CNTN6: variants seen among roughly 807,000 people sequenced by gnomAD.
The protein encoded by CNTN6 is contactin-6.
In CNTN6, 137 loss-of-function variants were observed where a neutral mutation model predicts 122.8. The observed-to-expected ratio is 1.12, with a 90% CI of 0.97 to 1.29. The LOEUF (loss-of-function observed/expected upper bound fraction) is 1.29, where lower values mean the gene tolerates loss of function less well. Among genes scored for constraint, CNTN6 ranks in the 50% most tolerant of loss-of-function variants. The pLI is 0.00. For missense variants in CNTN6, 1,634 were observed against 1,223.4 expected, an observed-to-expected ratio of 1.34 and a Z score of -5.01; for synonymous variants, 570 against 426.0, an observed-to-expected ratio of 1.34 and a Z score of -4.16.
intron 7 of CNTN6, among the ~76,000 whole-genome samples, chr3:1,299,640 C>G (rs1044284758): frequency 6.6e-6 from 1 of 152,132 alleles, no homozygotes; most frequent in South Asian, 2.1e-4. Context: ...CCTGTTCAAT[C>G]TTATGTTTCT....
chr3:1,382,829 A>G (rs756587646), intron 17 of CNTN6, 113 bp from the exon 18 acceptor site: 5 of 727,742 alleles, frequency 6.9e-6, no homozygotes, highest in Non-Finnish European at 9.0e-6. Context: ...ATTAAACAGA[A>G]TAAATATCCA....
chr3:1,135,475 T>C (rs1432388158), intron 1 of CNTN6, among the ~76,000 whole-genome samples: 1 of 152,154 alleles, frequency 6.6e-6, no homozygotes, highest in African/African-American at 2.4e-5. Flanking sequence ...TGCTCTGTGA[T>C]TATTTTCCCC....
rs561817043 is a variant in CNTN6, at chr3:1,280,959, G to T, written c.454+2451G>T. Reference sequence around the variant, plus strand: ...TGTCAAAGCCAGGAACAGAGAATCTGTCTCACATTTAGTCCCTCGAACATT... The same window carrying T: ...TGTCAAAGCCAGGAACAGAGAATCTTTCTCACATTTAGTCCCTCGAACATT... On this transcript the variant is annotated intron_variant, in intron 5 of 22. Transcript: ENST00000446702. Among the ~76,000 whole-genome samples the T allele has an allele frequency of 4.6e-5, 7 of 152,260 alleles. No individual in the cohort carries two copies. The South Asian group carries it at 1.5e-3, about 32-fold the overall frequency.
chr3:1,238,315 C>T lies in CNTN6; in HGVS notation c.358+10322C>T, dbSNP rs74868940. On this transcript the variant is annotated intron_variant, in intron 4 of 22. Coordinates refer to ENST00000446702, the MANE Select transcript of CNTN6 (RefSeq NM_001289080.2). Reference sequence around the variant, plus strand: ...TTCTTCTATCAGACAAAACATACTTCAAAGCAACAGCAGTTTAAACAAACA... The same window carrying T: ...TTCTTCTATCAGACAAAACATACTTTAAAGCAACAGCAGTTTAAACAAACA... Among the ~76,000 whole-genome samples the T allele has an allele frequency of 3.4e-3, 518 of 152,182 alleles. 4 individuals carry two copies. The highest frequency in any genetic ancestry group is 0.012 in the African/African-American group (488 of 41,538).
Position 1,241,373 on chromosome 3 carries a change from A to G in CNTN6, c.358+13380A>G, listed in dbSNP as rs531986945. Among the ~76,000 whole-genome samples the G allele has an allele frequency of 3.1e-3, 468 of 152,016 alleles. 9 individuals carry two copies. Among genetic ancestry groups the G allele is most frequent in the African/African-American group, 0.01 (420 of 41,368 alleles). ...GGCTGCTTCAAGCGGGATTAGGGGCAGTGTGGGAACCTAGAGTGGGAGAGA... is the reference window on the plus strand; with the variant it reads ...GGCTGCTTCAAGCGGGATTAGGGGCGGTGTGGGAACCTAGAGTGGGAGAGA... On this transcript the variant is annotated intron_variant, in intron 4 of 22. Transcript: ENST00000446702.
At chr3:1,141,696 A>G (rs2092612132) in intron 1 of CNTN6, among the ~76,000 whole-genome samples, 1 of 152,192 alleles carries the variant, frequency 6.6e-6, no homozygotes, top group South Asian at 2.1e-4. Flanking sequence ...AAGTCCATGT[A>G]ACCTAGATGT....
Position 1,325,938 on chromosome 3 carries a change from G to A in CNTN6, c.1070G>A (p.Arg357Gln), listed in dbSNP as rs779127794. Residue 357 changes from arginine to glutamine, a missense_variant, in exon 9 of 23, where the codon CGA becomes CAA. Transcript: ENST00000446702. ...PWYTWLKNGE[R>Q]LNPEERIQIE... ...TATACATGGTTAAAAAATGGTGAAC[G>A]ACTCAACCCAGAGGTAAGCAACTAT... The A allele has an allele frequency of 1.2e-5, 19 of 1,610,504 alleles. No individual in the cohort carries two copies. Among genetic ancestry groups the A allele is most frequent in the South Asian group, 7.7e-5 (7 of 90,862 alleles).
Position 1,402,550 on chromosome 3 carries a change from C to A in CNTN6, c.2986+64C>A, listed in dbSNP as rs1695859487. The A allele has an allele frequency of 7.3e-6, 10 of 1,370,564 alleles. No homozygotes were observed. The Admixed American group carries it at 1.0e-4, about 14-fold the overall frequency. 84.9% of individuals were successfully genotyped at this position (1,370,564 alleles called of 1,614,324 possible). ...TAGACAGCTGCAGCATGAAATTCAG[C>A]TCCATGAAACCTTCCAGTTATGGCT... On this transcript the variant is annotated intron_variant, in intron 22 of 22. Coordinates refer to ENST00000446702, the MANE Select transcript of CNTN6 (RefSeq NM_001289080.2).
In CNTN6 at chr3:1,324,028, A is replaced by G. The variant is rs180753259; in HGVS notation, c.947-1787A>G. On this transcript the variant is annotated intron_variant, in intron 8 of 22. Transcript: ENST00000446702. ...AGACATATATTAGGACAATTTCTAA[A>G]CAAATACTTATGAATTATATAATTT... 1.1e-4 allele frequency among the ~76,000 whole-genome samples: 17 copies of G among 149,950 alleles called. 3 individuals are homozygous for G. Among genetic ancestry groups the G allele is most frequent in the Middle Eastern group, 3.4e-3 (1 of 294 alleles).
At chr3:1,311,011 G>A (rs1699148694) in intron 7 of CNTN6, among the ~76,000 whole-genome samples, 1 of 151,994 alleles carries the variant, frequency 6.6e-6, no homozygotes, top group South Asian at 2.1e-4. Context: ...AGTTCTAGAA[G>A]TGAATTTGAA....
intron 21 of CNTN6, 64 bp downstream of exon 21, chr3:1,401,609 C>A: frequency 2.7e-6 from 3 of 1,124,646 alleles, no homozygotes; most frequent in South Asian, 1.5e-5. Context: ...ACATGTGACA[C>A]CCAAATGGAA....
At chr3:1,388,335 A>C (rs1349420065) in intron 20 of CNTN6, among the ~76,000 whole-genome samples, 1 of 145,774 alleles carries the variant, frequency 6.9e-6, no homozygotes, top group Non-Finnish European at 1.5e-5. Flanking sequence ...ATGCCAACAG[A>C]CCTGAAGCTG....
At position 1,295,684 on chromosome 3, in the gene CNTN6, A is replaced by G; in HGVS notation, c.538A>G (p.Asn180Asp). 4 of 1,614,058 alleles carry G rather than the reference A, an allele frequency of 2.5e-6. No homozygotes were observed. The highest frequency in any genetic ancestry group is 3.4e-6 in the Non-Finnish European group (4 of 1,179,938). The change falls in exon 6 of 23, where the codon AAC (asparagine) becomes GAC (aspartate). Residue 180 changes from asparagine (N) to aspartate (D), a missense_variant. Transcript: ENST00000446702. ...GCGATTTGTATCTCAAGAGACGGGA[A>G]ACTTGTACATTGCCAAAGTGGAACC... ...NRRFVSQETG[N>D]LYIAKVEPSD...
intron 12 of CNTN6, among the ~76,000 whole-genome samples, chr3:1,354,523 G>T (rs191144655): frequency 2.6e-5 from 4 of 151,120 alleles, no homozygotes; most frequent in South Asian, 2.1e-4. Flanking sequence ...ATCTTCTTAC[G>T]AACTGTATAA....
chr3:1,104,476 G>C (rs766079010), intron 1 of CNTN6, among the ~76,000 whole-genome samples: 1 of 151,982 alleles, frequency 6.6e-6, no homozygotes, highest in Non-Finnish European at 1.5e-5. Flanking sequence ...ATTCATTTTC[G>C]TCAAGTGAAT....
At chr3:1,165,050 A>T (rs1346514912) in intron 2 of CNTN6, among the ~76,000 whole-genome samples, 1 of 152,310 alleles carries the variant, frequency 6.6e-6, no homozygotes, top group East Asian at 1.9e-4. Flanking sequence ...GCTTTACAGA[A>T]TATAGGGTAT....
intron 12 of CNTN6, among the ~76,000 whole-genome samples, chr3:1,364,104 C>T (rs992248070): frequency 9.2e-5 from 14 of 151,858 alleles, no homozygotes; most frequent in East Asian, 7.8e-4. Context: ...GAAGGAAAAC[C>T]ATGTATATAG....
At chr3:1,387,015 T>C (rs767406185) in intron 20 of CNTN6, among the ~76,000 whole-genome samples, 1 of 151,290 alleles carries the variant, frequency 6.6e-6, no homozygotes, top group African/African-American at 2.4e-5. Context: ...CCAGATCAAC[T>C]GTCAGATATT....
At chr3:1,387,506 A>G (rs1693211922) in intron 20 of CNTN6, among the ~76,000 whole-genome samples, 1 of 152,226 alleles carries the variant, frequency 6.6e-6, no homozygotes. Context: ...GATTACCTAG[A>G]CATTTAGTTC....
Sources: allele counts gnomAD v4.1 joint callset (sites outside exome capture counted in the v4.1 genomes callset), GRCh38; gene constraint gnomAD v4.1.1; transcripts MANE v1.5; gene names NCBI Gene and HGNC (gene_info 2026-07-23, HGNC 2026-07-21).